USPL1: variants seen among roughly 807,000 people sequenced by gnomAD.
USPL1 encodes the protein SUMO-specific isopeptidase USPL1.
A neutral mutation model predicts 51.5 loss-of-function variants in USPL1; 27 were observed. The observed-to-expected ratio is 0.52, with a 90% CI of 0.39 to 0.72. The LOEUF (loss-of-function observed/expected upper bound fraction) is 0.72, where lower values mean the gene tolerates loss of function less well. USPL1 is among the 30% of genes least tolerant of loss of function. The pLI is 0.00. For synonymous variants in USPL1, 451 were observed against 459.6 expected (o/e 0.98, Z 0.24); for missense variants, 1,226 against 1,268.0 (o/e 0.97, Z 0.50).
intron 3 of USPL1, among the ~76,000 whole-genome samples, chr13:30,624,256 G>A (rs1393927989): frequency 1.3e-5 from 2 of 152,110 alleles, no homozygotes; most frequent in Admixed American, 6.5e-5. Context: ...AAAGTGTGCT[G>A]GGAGGATAGA....
intron 7 of USPL1, among the ~76,000 whole-genome samples, chr13:30,648,189 A>ACTTTTACAATTCTTATTTTTCC (rs1951042981): frequency 1.3e-5 from 2 of 152,026 alleles, no homozygotes; most frequent in Non-Finnish European, 2.9e-5. Context: ...GTTAGGTTTC[A>ACTTTTACAATTCTTATTTTTCC]CTTTTACAAT....
chr13:30,631,942 C>T (rs1950811707), intron 4 of USPL1, among the ~76,000 whole-genome samples: 1 of 150,670 alleles, frequency 6.6e-6, no homozygotes, highest in African/African-American at 2.5e-5. Flanking sequence ...GTTACATTAT[C>T]CTGACTGCCC....
At chr13:30,635,153 G>A (rs1950858718) in intron 4 of USPL1, among the ~76,000 whole-genome samples, 1 of 152,160 alleles carries the variant, frequency 6.6e-6, no homozygotes, top group Admixed American at 6.5e-5. Context: ...TTTAAAAACT[G>A]TCTTGATTTA....
chr13:30,626,805 G>A (rs927959697), intron 3 of USPL1, among the ~76,000 whole-genome samples: 3 of 149,534 alleles, frequency 2.0e-5, no homozygotes, highest in Non-Finnish European at 3.0e-5. Context: ...TTTTTTTTTC[G>A]TGGAGTAGTC....
Position 30,658,876 on chromosome 13 carries a change from A to C in USPL1, c.2799A>C (p.Glu933Asp), listed in dbSNP as rs780024476. 2.5e-5 allele frequency: 41 copies of C among 1,614,002 alleles called. 1 individual carries two copies. Among genetic ancestry groups the C allele is most frequent in the Admixed American group, 3.3e-5 (2 of 60,004 alleles). The change falls in exon 9 of 9, where the codon GAA becomes GAC. Residue 933 changes from glutamate to aspartate, a missense_variant. Transcript: ENST00000255304. The stretch of plus-strand genomic sequence containing the variant: ...AGGATGGGTCTCCAAATGATTGTGA[A>C]TCAATAGAGGACTTGTTAAATGAGC... ...VPQDGSPNDCESIEDLLNELP... is the reference protein window; with the variant it reads ...VPQDGSPNDCDSIEDLLNELP...
At chr13:30,625,395 A>G (rs1321247432) in intron 3 of USPL1, among the ~76,000 whole-genome samples, 2 of 150,332 alleles carry the variant, frequency 1.3e-5, no homozygotes, top group Non-Finnish European at 3.0e-5. Flanking sequence ...GTTTTTGGCT[A>G]TTAAAGTTAG....
intron 7 of USPL1, among the ~76,000 whole-genome samples, chr13:30,652,082 A>G (rs916718565): frequency 6.6e-6 from 1 of 152,236 alleles, no homozygotes; most frequent in East Asian, 1.9e-4. Flanking sequence ...CCTGTCTGAA[A>G]TGGTAATATG....
At chr13:30,621,031 A>G (rs933929344) in intron 1 of USPL1, 42 bp from the exon 2 acceptor site, 2 of 847,882 alleles carry the variant, frequency 2.4e-6, no homozygotes, top group Non-Finnish European at 3.7e-6. Flanking sequence ...TTTATAGTAA[A>G]TAGAATTTTT....
At position 30,621,199 on chromosome 13, in the gene USPL1, T is replaced by A. The variant is rs778400154; in HGVS notation, c.59T>A (p.Ile20Lys). 6.2e-7 allele frequency: 1 copy of A among 1,605,310 alleles called. No homozygotes were observed. Among genetic ancestry groups the A allele is most frequent in the African/African-American group, 1.3e-5 (1 of 74,506 alleles). Residue 20 changes from isoleucine to lysine, a missense_variant, in exon 2 of 9, where the codon ATA becomes AAA. Transcript: ENST00000255304. ...CCAGTGATTGGACCAGGGACTGATA[T>A]AGGGATATCTTCACTCCACATGGTG... is the stretch of plus-strand genomic sequence containing the variant. ...GLPVIGPGTD[I>K]GISSLHMVGY...
At chr13:30,621,932 T>C (rs774129162) in intron 3 of USPL1, 40 bp downstream of exon 3, 1 of 1,304,608 alleles carries the variant, frequency 7.7e-7, no homozygotes, top group South Asian at 2.2e-5. Context: ...AAGATTTTTC[T>C]TTTTTCTTTT....
intron 3 of USPL1, among the ~76,000 whole-genome samples, chr13:30,625,634 C>T (rs564497526): frequency 4.3e-4 from 65 of 151,724 alleles, no homozygotes; most frequent in South Asian, 4.1e-4. Flanking sequence ...TTAGTAGAGA[C>T]GGGGTTTCAC....
rs777774664 is a variant in USPL1, at chr13:30,630,832, C to T, written c.229-3C>T. The stretch of plus-strand genomic sequence containing the variant: ...TTTTTATCATTTTATTTTTACTTTC[C>T]AGTGCATCTATCCTTTGGGCTCTAA... On this transcript the variant is annotated splice_region_variant and splice_polypyrimidine_tract_variant and intron_variant, in intron 3 of 8. Transcript: ENST00000255304. 4.5e-6 allele frequency: 7 copies of T among 1,570,160 alleles called. No individual in the cohort carries two copies. The East Asian group carries it at 1.6e-4, about 35-fold the overall frequency.
intron 3 of USPL1, among the ~76,000 whole-genome samples, chr13:30,629,255 G>C (rs1950765782): frequency 6.6e-6 from 1 of 152,146 alleles, no homozygotes. Flanking sequence ...TGGAACTCCA[G>C]CACTTTGGGA....
intron 3 of USPL1, among the ~76,000 whole-genome samples, chr13:30,627,417 A>G (rs571866031): frequency 6.6e-6 from 1 of 152,296 alleles, no homozygotes; most frequent in East Asian, 1.9e-4. Context: ...TGGTGGGAGC[A>G]CAGATTATAT....
chr13:30,657,663 T>G lies in USPL1; in HGVS notation c.1586T>G (p.Val529Gly). The G allele has an allele frequency of 6.2e-7, 1 of 1,614,172 alleles. No individual in the cohort carries two copies. Among genetic ancestry groups the G allele is most frequent in the Non-Finnish European group, 8.5e-7 (1 of 1,179,990 alleles). Residue 529 changes from valine (V) to glycine (G), a missense_variant, in exon 9 of 9, where the codon GTA becomes GGA. Coordinates refer to ENST00000255304, the MANE Select transcript of USPL1 (RefSeq NM_005800.5). ...DQHALSNEKPVSLTSCSVGDA... is the reference protein window; with the variant it reads ...DQHALSNEKPGSLTSCSVGDA... ...CACGCTCTCAGTAATGAGAAACCAG[T>G]ATCTTTAACATCGTGTTCTGTGGGT...
intron 3 of USPL1, among the ~76,000 whole-genome samples, chr13:30,624,887 A>G (rs1044782517): frequency 6.6e-6 from 1 of 152,192 alleles, no homozygotes; most frequent in African/African-American, 2.4e-5. Flanking sequence ...AGCCAAGGGT[A>G]ATTATCTCAA....
intron 7 of USPL1, 43 bp downstream of exon 7, chr13:30,647,100 T>G (rs1156948107): frequency 5.1e-6 from 8 of 1,566,546 alleles, no homozygotes; most frequent in African/African-American, 1.4e-5. Flanking sequence ...AAAATGAAGG[T>G]GGATTTACAT....
At chr13:30,647,962 C>G (rs994660869) in intron 7 of USPL1, among the ~76,000 whole-genome samples, 2 of 152,154 alleles carry the variant, frequency 1.3e-5, no homozygotes, top group African/African-American at 4.8e-5. Flanking sequence ...TTTACTTTTA[C>G]TTTTCAAATT....
intron 5 of USPL1, among the ~76,000 whole-genome samples, chr13:30,641,120 T>C (rs1950941860): frequency 6.6e-6 from 1 of 152,206 alleles, no homozygotes. Flanking sequence ...ATTTTTAACC[T>C]CAATTGTGCA....
Sources: allele counts gnomAD v4.1 joint callset (sites outside exome capture counted in the v4.1 genomes callset), GRCh38; gene constraint gnomAD v4.1.1; transcripts MANE v1.5; gene names NCBI Gene and HGNC (gene_info 2026-07-23, HGNC 2026-07-21).